CNTNAP5: variants seen among roughly 807,000 people sequenced by gnomAD.
CNTNAP5 encodes the protein contactin associated protein family member 5.
A neutral mutation model predicts 150.2 loss-of-function variants in CNTNAP5; 72 were observed. The ratio of observed to expected loss-of-function variants is 0.48; its 90% CI spans 0.40 to 0.58. The LOEUF is 0.58. CNTNAP5 is among the 20% of genes least tolerant of loss of function. The pLI is 0.00. For synonymous variants in CNTNAP5, 672 were observed against 619.8 expected (o/e 1.08, Z -1.25); for missense variants, 1,636 against 1,626.2 (o/e 1.01, Z -0.10).
intron 3 of CNTNAP5, among the ~76,000 whole-genome samples, chr2:124,272,006 T>G (rs532226713): frequency 6.6e-6 from 1 of 152,242 alleles, no homozygotes. Flanking sequence ...GGAGCCACTG[T>G]GCCTGGCCTA....
intron 1 of CNTNAP5, among the ~76,000 whole-genome samples, chr2:124,113,995 C>T (rs1388806395): frequency 6.6e-6 from 1 of 151,796 alleles, no homozygotes; most frequent in Admixed American, 6.6e-5. Context: ...TAACCTTGTG[C>T]CAATATCGCA....
At chr2:124,029,282 C>T (rs757343764) in intron 1 of CNTNAP5, among the ~76,000 whole-genome samples, 11 of 152,016 alleles carry the variant, frequency 7.2e-5, no homozygotes, top group Non-Finnish European at 1.3e-4. Context: ...CAAACTCAAT[C>T]AATAGATAAT....
chr2:124,636,938 A>T (rs935071832), intron 12 of CNTNAP5, among the ~76,000 whole-genome samples: 1 of 94,616 alleles, frequency 1.1e-5, no homozygotes, highest in African/African-American at 2.9e-5. Context: ...CAGACATTTT[A>T]AAAAAATTTT....
chr2:124,889,776 G>T (rs1678155948), intron 21 of CNTNAP5, among the ~76,000 whole-genome samples: 1 of 152,062 alleles, frequency 6.6e-6, no homozygotes, highest in Non-Finnish European at 1.5e-5. Context: ...TTCAGATAAG[G>T]TTTGTCCTCT....
chr2:124,152,441 G>A (rs765518077), intron 1 of CNTNAP5, among the ~76,000 whole-genome samples: 18 of 152,170 alleles, frequency 1.2e-4, no homozygotes, highest in Non-Finnish European at 7.3e-5. Flanking sequence ...GAACAAATAC[G>A]TGGCAGAGCT....
intron 3 of CNTNAP5, among the ~76,000 whole-genome samples, chr2:124,327,916 G>A (rs959750794): frequency 1.3e-5 from 2 of 152,118 alleles, no homozygotes; most frequent in Admixed American, 6.5e-5. Flanking sequence ...TTTCCAAATT[G>A]GTTGAGAACT....
intron 10 of CNTNAP5, among the ~76,000 whole-genome samples, chr2:124,541,195 T>TTTTTC (rs1166233240): frequency 1.3e-5 from 2 of 149,812 alleles, no homozygotes; most frequent in African/African-American, 4.9e-5. Flanking sequence ...TTTTTTTTTT[T>TTTTTC]TGGTGAGAAG....
chr2:124,605,387 C>T (rs879271191), intron 11 of CNTNAP5, among the ~76,000 whole-genome samples: 1 of 152,202 alleles, frequency 6.6e-6, no homozygotes, highest in Non-Finnish European at 1.5e-5. Context: ...GTGATGCTAG[C>T]AGGATCCTCT....
chr2:124,538,005 G>A (rs895607175), intron 10 of CNTNAP5, among the ~76,000 whole-genome samples: 1 of 152,268 alleles, frequency 6.6e-6, no homozygotes, highest in Admixed American at 6.5e-5. Flanking sequence ...TATTGATGCT[G>A]AAAACGAAGC....
At chr2:124,494,062 CTGTG>C (rs111834196) in intron 7 of CNTNAP5, among the ~76,000 whole-genome samples, 1 of 110,634 alleles carries the variant, frequency 9.0e-6, no homozygotes, top group African/African-American at 3.5e-5. Context: ...CAATAGGAGA[CTGTG>C]TGTGTGTGTG....
At chr2:124,087,957 T>C (rs1481534586) in intron 1 of CNTNAP5, among the ~76,000 whole-genome samples, 1 of 152,214 alleles carries the variant, frequency 6.6e-6, no homozygotes, top group Non-Finnish European at 1.5e-5. Flanking sequence ...ATCTTTGGTT[T>C]CCTCAGCTCC....
At chr2:124,150,061 A>G (rs1377143047) in intron 1 of CNTNAP5, among the ~76,000 whole-genome samples, 4 of 152,200 alleles carry the variant, frequency 2.6e-5, no homozygotes, top group Non-Finnish European at 5.9e-5. Context: ...AAAGCCCTTA[A>G]TTCTGTACTC....
intron 1 of CNTNAP5, among the ~76,000 whole-genome samples, chr2:124,136,996 G>T (rs576088641): frequency 1.3e-5 from 2 of 151,798 alleles, no homozygotes; most frequent in Non-Finnish European, 2.9e-5. Flanking sequence ...TCTAACCTAG[G>T]CTGGAGGAGA....
chr2:124,660,969 GA>G (rs921584567), intron 13 of CNTNAP5, among the ~76,000 whole-genome samples: 12 of 145,608 alleles, frequency 8.2e-5, no homozygotes, highest in South Asian at 2.2e-4. Flanking sequence ...AAAAGAAAAA[GA>G]AAAAAAAATT....
chr2:124,679,526 CAG>C (rs1189684842), intron 13 of CNTNAP5, among the ~76,000 whole-genome samples: 2 of 151,590 alleles, frequency 1.3e-5, no homozygotes, highest in African/African-American at 2.4e-5. Flanking sequence ...TGATAAGTGA[CAG>C]AGTTGATCCT....
chr2:124,790,242 CTACTCTCCCGCTGTT>C, intron 18 of CNTNAP5, 101 bp downstream of exon 18: 3 of 1,261,710 alleles, frequency 2.4e-6, no homozygotes, highest in Middle Eastern at 2.6e-4. Context: ...TCTTTATCAT[CTACTCTCCCGCTGTT>C]TAGAGAGTCT....
intron 3 of CNTNAP5, among the ~76,000 whole-genome samples, chr2:124,414,644 G>C (rs1376789092): frequency 6.6e-6 from 1 of 152,052 alleles, no homozygotes; most frequent in Non-Finnish European, 1.5e-5. Context: ...AGCATTGCCA[G>C]GTCATGAAAC....
rs751939034 is a variant in CNTNAP5, at chr2:124,609,672, A to G, written c.1757-129A>G. On this transcript the variant is annotated intron_variant, in intron 11 of 23. Coordinates refer to ENST00000682447, the MANE Select transcript of CNTNAP5 (RefSeq NM_001367498.1). ...GGTACTGGTGTGTTAAGGCTTGGGG[A>G]AAAAGTCAAGGATATAGAAGGAGGG... 1.5e-3 allele frequency: 1,467 copies of G among 1,003,204 alleles called. 1 individual carries two copies. The highest frequency in any genetic ancestry group is 1.7e-3 in the Non-Finnish European group (1,232 of 708,958). The allele number at this position is 1,003,204 out of a possible 1,614,324, so 62.1% of individuals were successfully genotyped here. A position where few individuals can be genotyped will look rare whatever the true frequency, so the allele number is the denominator to read the frequency against.
intron 13 of CNTNAP5, among the ~76,000 whole-genome samples, chr2:124,655,997 A>AGG (rs1435094265): frequency 5.9e-4 from 85 of 144,878 alleles, no homozygotes; most frequent in Middle Eastern, 3.6e-3. Flanking sequence ...GAAAGAAAGA[A>AGG]AAAAGGAAGG....
Sources: allele counts gnomAD v4.1 joint callset (sites outside exome capture counted in the v4.1 genomes callset), GRCh38; gene constraint gnomAD v4.1.1; transcripts MANE v1.5; gene names NCBI Gene and HGNC (gene_info 2026-07-23, HGNC 2026-07-21).